Variants in RUBCNL observed in about 807,000 individuals in gnomAD.
The protein encoded by RUBCNL is rubicon like autophagy enhancer, also known as protein associated with UVRAG as autophagy enhancer.
Under a neutral mutation model 69.5 loss-of-function variants are expected in RUBCNL, and 62 were observed. The ratio of observed to expected loss-of-function variants is 0.89; its 90% confidence interval spans 0.73 to 1.10. The LOEUF (loss-of-function observed/expected upper bound fraction) is 1.10. RUBCNL is among the 50% of genes least tolerant of loss of function. RUBCNL has a pLI of 0.00. For synonymous variants in RUBCNL, 291 were observed against 303.6 expected (o/e 0.96, Z 0.43); for missense variants, 768 against 798.1 (o/e 0.96, Z 0.45).
At chr13:46,358,518 T>G (rs559138151) in intron 9 of RUBCNL, among the ~76,000 whole-genome samples, 1 of 152,358 alleles carries the variant, frequency 6.6e-6, no homozygotes, top group African/African-American at 2.4e-5. Context: ...TGTTACTTCT[T>G]AGAGAACAAA....
chr13:46,366,211 G>A (rs2048751862), intron 5 of RUBCNL, among the ~76,000 whole-genome samples: 1 of 152,198 alleles, frequency 6.6e-6, no homozygotes, highest in South Asian at 2.1e-4. Context: ...CCCCCTGGCT[G>A]CATCTGACCA....
chr13:46,355,587 C>T (rs1052867171), intron 10 of RUBCNL, among the ~76,000 whole-genome samples: 1 of 152,170 alleles, frequency 6.6e-6, no homozygotes, highest in Non-Finnish European at 1.5e-5. Flanking sequence ...TGGGAGACAC[C>T]GTGCCTGGCC....
At chr13:46,362,923 C>CATATACAT (rs2048648535) in intron 6 of RUBCNL, among the ~76,000 whole-genome samples, 192 bp downstream of exon 6, 1 of 88,038 alleles carries the variant, frequency 1.1e-5, no homozygotes, top group Non-Finnish European at 2.3e-5. Context: ...ACAAGAACAT[C>CATATACAT]ATATATATAT....
At chr13:46,382,635 C>T (rs1036355011) in intron 1 of RUBCNL, among the ~76,000 whole-genome samples, 2 of 152,166 alleles carry the variant, frequency 1.3e-5, no homozygotes, top group Non-Finnish European at 2.9e-5. Context: ...CAGGTTCAGG[C>T]GATTCTCCTT....
At chr13:46,353,296 C>T (rs112387105) in intron 10 of RUBCNL, among the ~76,000 whole-genome samples, 237 of 152,224 alleles carry the variant, frequency 1.6e-3, no homozygotes, top group African/African-American at 5.4e-3. Flanking sequence ...AATACTGAAC[C>T]ACTGCTCCTG....
chr13:46,372,617 AT>A lies in RUBCNL; in HGVS notation c.-122-21del. 7.0e-7 allele frequency: 1 copy of A among 1,431,052 alleles called. No individual in the cohort carries two copies. The highest frequency in any genetic ancestry group is 9.1e-7 in the Non-Finnish European group (1 of 1,096,190). 88.6% of individuals were successfully genotyped at this position (1,431,052 alleles called of 1,614,324 possible). On this transcript the variant is annotated intron_variant, in intron 2 of 14. Coordinates refer to ENST00000429979, the MANE Select transcript of RUBCNL (RefSeq NM_025113.5). ...GCTATTCTGCAATGAGCAAGGAATC[AT>A]TCAAAATAAGTAAGAATTCAATTGT...
intron 1 of RUBCNL, among the ~76,000 whole-genome samples, chr13:46,386,356 A>G (rs2049244158): frequency 6.6e-6 from 1 of 152,154 alleles, no homozygotes; most frequent in African/African-American, 2.4e-5. Context: ...CACATCTTCA[A>G]TTCAAAGATC....
intron 10 of RUBCNL, among the ~76,000 whole-genome samples, chr13:46,351,954 C>T (rs564474521): frequency 1.7e-4 from 25 of 151,454 alleles, no homozygotes; most frequent in Non-Finnish European, 2.4e-4. Context: ...TCAGCCTCCC[C>T]GGTAGTTGGG....
Position 46,356,446 on chromosome 13 carries a change from G to C in RUBCNL, c.1316C>G (p.Thr439Ser). The change falls in exon 10 of 15, where the codon ACT becomes AGT. Residue 439 changes from threonine (T) to serine (S), a missense_variant. Transcript: ENST00000429979. Reference protein sequence around the residue: ...AQNFFCAGCGTPVEPKFVKRL... With the variant: ...AQNFFCAGCGSPVEPKFVKRL... The stretch of plus-strand genomic sequence containing the variant: ...TCCGTACTTACTAGGCTCTACTGGA[G>C]TTCCACAGCCGGCACAGAAAAAATT... 6.2e-7 allele frequency: 1 copy of C among 1,613,884 alleles called. No homozygotes were observed. The highest frequency in any genetic ancestry group is 8.5e-7 in the Non-Finnish European group (1 of 1,179,850).
At chr13:46,375,596 G>A (rs565813890) in intron 2 of RUBCNL, among the ~76,000 whole-genome samples, 3 of 152,090 alleles carry the variant, frequency 2.0e-5, no homozygotes, top group Non-Finnish European at 4.4e-5. Context: ...TCTATTAATG[G>A]GGCAGAATTA....
At chr13:46,362,939 GATATATATATAT>G (rs57722239) in intron 6 of RUBCNL, among the ~76,000 whole-genome samples, 164 bp downstream of exon 6, 2 of 41,506 alleles carry the variant, frequency 4.8e-5, no homozygotes, top group African/African-American at 1.9e-4. Flanking sequence ...TATATATATA[GATATATATATAT>G]ATATATATAT....
chr13:46,345,516 C>T lies in RUBCNL; in HGVS notation c.1716G>A (p.Lys572=). The T allele has an allele frequency of 1.2e-6, 2 of 1,610,730 alleles. No homozygotes were observed. The highest frequency in any genetic ancestry group is 1.7e-6 in the Non-Finnish European group (2 of 1,178,476). ...TGAGTAAGGGTGCCAGCAGCCCTTT[C>T]TTGATCCTGACCAGGTCCTCAAGGG... is the stretch of plus-strand genomic sequence containing the variant. The part of the protein sequence containing the change: ...LFSLEDLVRI[K]KGLLAPLLKD... Residue 572 remains lysine, a synonymous_variant, in exon 13 of 15, where the codon AAG becomes AAA. Coordinates refer to ENST00000429979, the MANE Select transcript of RUBCNL (RefSeq NM_025113.5).
At chr13:46,353,731 G>A (rs938315724) in intron 10 of RUBCNL, among the ~76,000 whole-genome samples, 40 of 152,206 alleles carry the variant, frequency 2.6e-4, no homozygotes, top group Non-Finnish European at 5.7e-4. Flanking sequence ...GCATCAGGGG[G>A]TTGGGTGGAA....
chr13:46,387,947 C>A, upstream of RUBCNL: 5 of 720,906 alleles, frequency 6.9e-6, no homozygotes, highest in Non-Finnish European at 6.8e-6. Context: ...GTGGTTCAAG[C>A]CTGTGATCCC....
chr13:46,345,535 T>C lies in RUBCNL; in HGVS notation c.1697A>G (p.Glu566Gly). The C allele has an allele frequency of 1.2e-6, 2 of 1,613,116 alleles. No homozygotes were observed. Among genetic ancestry groups the C allele is most frequent in the Non-Finnish European group, 1.7e-6 (2 of 1,179,570 alleles). ...LTDELHLFSL[E>G]DLVRIKKGLL... ...CCCTTTCTTGATCCTGACCAGGTCC[T>C]CAAGGGAGAACAGGTGGAGCTCATC... Residue 566 changes from glutamate (E) to glycine (G), a missense_variant, in exon 13 of 15, where the codon GAG (glutamate) becomes GGG (glycine). By Grantham distance (98) the Glu-to-Gly change is moderately conservative. Coordinates refer to ENST00000429979, the MANE Select transcript of RUBCNL (RefSeq NM_025113.5).
intron 10 of RUBCNL, among the ~76,000 whole-genome samples, chr13:46,352,463 C>A (rs986791580): frequency 6.6e-6 from 1 of 152,100 alleles, no homozygotes; most frequent in African/African-American, 2.4e-5. Flanking sequence ...CTGTAGAACC[C>A]GTACACTGTA....
chr13:46,343,475 T>C lies in RUBCNL; in HGVS notation c.1899A>G (p.Lys633=), dbSNP rs9562652. 6.2e-7 allele frequency: 1 copy of C among 1,613,910 alleles called. No homozygotes were observed. Among genetic ancestry groups the C allele is most frequent in the East Asian group, 2.2e-5 (1 of 44,880 alleles). ...RCSACRACFH[K]QCFQSSECPR... ...GGCACTCGGAGGACTGGAAGCACTG[T>C]TTGTGAAAGCAAGCCCTGCACGCTG... The change falls in exon 15 of 15, where the codon AAA becomes AAG. Residue 633 remains lysine, a synonymous_variant. Coordinates refer to ENST00000429979, the MANE Select transcript of RUBCNL (RefSeq NM_025113.5).
intron 1 of RUBCNL, among the ~76,000 whole-genome samples, chr13:46,381,195 C>T (rs904824371): frequency 6.6e-6 from 1 of 152,012 alleles, no homozygotes; most frequent in Non-Finnish European, 1.5e-5. Context: ...TCATAATAGC[C>T]AAAAAGTGGA....
chr13:46,334,709 T>C lies in RUBCNL; in HGVS notation c.*8676A>G, dbSNP rs1162575793. Among the ~76,000 whole-genome samples, 1 of 152,144 alleles carries C rather than the reference T, an allele frequency of 6.6e-6. No individual in the cohort carries two copies. The highest frequency in any genetic ancestry group is 6.5e-5 in the Admixed American group (1 of 15,276). Reference sequence around the variant, plus strand: ...GGGGGAAAAAAAACACTGAATTTTATACACAAAGTGATAGACAAGATGCTA... The same window carrying C: ...GGGGGAAAAAAAACACTGAATTTTACACACAAAGTGATAGACAAGATGCTA... On this transcript the variant is annotated 3_prime_UTR_variant, in exon 15 of 15. Transcript: ENST00000429979.
Sources: gnomAD v4.1 joint callset for allele counts (sites outside exome capture counted in the v4.1 genomes callset) on GRCh38, gnomAD v4.1.1 for gene constraint, MANE v1.5 for transcripts, NCBI Gene and HGNC (gene_info 2026-07-23, HGNC 2026-07-21) for gene names.